SVIL: variants seen among roughly 807,000 people sequenced by gnomAD.
SVIL encodes supervillin, also known as archvillin.
SVIL carries 101 observed loss-of-function variants against 240.4 expected under a neutral mutation model. The observed-to-expected ratio is 0.42, with a 90% CI of 0.36 to 0.50. SVIL has a LOEUF of 0.50. SVIL is among the 20% of genes least tolerant of loss of function. SVIL has a pLI of 0.01. For missense variants in SVIL, 2,512 were observed against 2,818.7 expected (o/e 0.89, Z 2.46); for synonymous variants, 999 against 1,100.0 (o/e 0.91, Z 1.82).
chr10:29,667,085 CT>C (rs1201553031), intron 2 of SVIL, among the ~76,000 whole-genome samples: 1 of 152,008 alleles, frequency 6.6e-6, no homozygotes, highest in East Asian at 1.9e-4. Flanking sequence ...GGTGTTTCTT[CT>C]TTTTTTCATC....
At chr10:29,718,659 G>GAACT (rs998351900) in intron 1 of SVIL, among the ~76,000 whole-genome samples, 10 of 152,130 alleles carry the variant, frequency 6.6e-5, no homozygotes, top group Non-Finnish European at 1.5e-4. Flanking sequence ...AAATAGGAGA[G>GAACT]AACTACACAG....
chr10:29,637,561 A>T (rs1958352713), upstream of SVIL, among the ~76,000 whole-genome samples: 2 of 152,242 alleles, frequency 1.3e-5, no homozygotes, highest in African/African-American at 4.8e-5. Context: ...TACAGTAATC[A>T]AGACAACACA....
intron 1 of SVIL, among the ~76,000 whole-genome samples, chr10:29,580,421 AGGAT>A (rs1241055794): frequency 1.3e-5 from 2 of 152,180 alleles, no homozygotes; most frequent in Non-Finnish European, 2.9e-5. Flanking sequence ...AGAGGGAAAT[AGGAT>A]GGTGAGGTCA....
At chr10:29,589,756 T>C (rs1781984260) in intron 1 of SVIL, among the ~76,000 whole-genome samples, 1 of 152,200 alleles carries the variant, frequency 6.6e-6, no homozygotes, top group African/African-American at 2.4e-5. Context: ...GATGTTCTTA[T>C]ATGGCCAAAC....
chr10:29,486,198 C>T lies in SVIL; in HGVS notation c.4666G>A (p.Glu1556Lys). The T allele has an allele frequency of 6.2e-7, 1 of 1,614,174 alleles. No homozygotes were observed. Among genetic ancestry groups the T allele is most frequent in the Non-Finnish European group, 8.5e-7 (1 of 1,180,032 alleles). Residue 1556 changes from glutamate (E) to lysine (K), a missense_variant, in exon 26 of 38, where the codon GAA (glutamate) becomes AAA (lysine). Physicochemically the swap from Glu to Lys is moderately conservative, Grantham distance 56. This residue lies in a region of SVIL where 797 missense variants were observed against 925.3 expected (regional missense o/e 0.86). Transcript: ENST00000355867. ...AGDPKEDELY[E>K]AAIIETNCIY... ...CAGTTAGTTTCTATTATGGCTGCTTCATAGAGTTCATCTTCTTTTGGGTCT... is the reference window on the plus strand; with the variant it reads ...CAGTTAGTTTCTATTATGGCTGCTTTATAGAGTTCATCTTCTTTTGGGTCT...
At chr10:29,563,576 A>G (rs1954703025) in intron 2 of SVIL, among the ~76,000 whole-genome samples, 1 of 152,148 alleles carries the variant, frequency 6.6e-6, no homozygotes. Flanking sequence ...GCTTTAACTC[A>G]GACTGACCAC....
chr10:29,673,805 G>A (rs1164182921), intron 2 of SVIL, among the ~76,000 whole-genome samples: 1 of 152,158 alleles, frequency 6.6e-6, no homozygotes, highest in African/African-American at 2.4e-5. Flanking sequence ...AACCATATCA[G>A]CATTACAGCA....
At chr10:29,568,217 T>C (rs1346876607) in intron 2 of SVIL, among the ~76,000 whole-genome samples, 1 of 149,944 alleles carries the variant, frequency 6.7e-6, no homozygotes, top group Non-Finnish European at 1.5e-5. Flanking sequence ...TTGATGATAT[T>C]GTGTGTAAAA....
At chr10:29,653,909 T>TAGAGA (rs1958918957) in intron 3 of SVIL, among the ~76,000 whole-genome samples, 1 of 152,162 alleles carries the variant, frequency 6.6e-6, no homozygotes, top group African/African-American at 2.4e-5. Context: ...AATTCTATTC[T>TAGAGA]ATAGAATAGA....
At chr10:29,717,903 T>C (rs564085080) in intron 1 of SVIL, among the ~76,000 whole-genome samples, 1 of 152,180 alleles carries the variant, frequency 6.6e-6, no homozygotes, top group African/African-American at 2.4e-5. Context: ...AGCTATAACA[T>C]ACATATCAAA....
intron 1 of SVIL, among the ~76,000 whole-genome samples, chr10:29,584,330 C>A (rs1486693074): frequency 1.3e-5 from 2 of 152,204 alleles, no homozygotes; most frequent in Non-Finnish European, 2.9e-5. Context: ...GCATGGGGTT[C>A]AGGGTTCCAA....
chr10:29,484,343 T>C lies in SVIL; in HGVS notation c.4955+313A>G, dbSNP rs1203579499. On this transcript the variant is annotated intron_variant, in intron 27 of 37. Coordinates refer to ENST00000355867, the MANE Select transcript of SVIL (RefSeq NM_021738.3). This position sits in a 1 kb window ranked among gnomAD's most constrained non-coding sequence, Gnocchi z 4.7. ...CCTTTCAGATCCGCATGTAATTTGT[T>C]TAAACAATTGCTGTTCATCTGCCAC... Among the ~76,000 whole-genome samples, 4 of 152,202 alleles carry C rather than the reference T, an allele frequency of 2.6e-5. No individual in the cohort carries two copies. The highest frequency in any genetic ancestry group is 2.6e-4 in the Admixed American group (4 of 15,282).
intron 1 of SVIL, among the ~76,000 whole-genome samples, chr10:29,613,947 T>C (rs1421090413): frequency 2.0e-5 from 3 of 152,162 alleles, no homozygotes; most frequent in Non-Finnish European, 2.9e-5. Flanking sequence ...CCTTATGGAA[T>C]GTATGAGACC....
At chr10:29,542,115 A>C (rs1180965202) in intron 6 of SVIL, among the ~76,000 whole-genome samples, 1 of 152,202 alleles carries the variant, frequency 6.6e-6, no homozygotes, top group Non-Finnish European at 1.5e-5. Flanking sequence ...CAATGAAGGA[A>C]ACCAAACACA....
chr10:29,568,570 AC>A (rs776879535), intron 2 of SVIL, among the ~76,000 whole-genome samples: 14 of 152,298 alleles, frequency 9.2e-5, no homozygotes, highest in Non-Finnish European at 1.8e-4. Context: ...ACAACAATCT[AC>A]TAAAAAGCAC....
chr10:29,655,826 T>C (rs1366827676), intron 3 of SVIL, among the ~76,000 whole-genome samples: 1 of 152,006 alleles, frequency 6.6e-6, no homozygotes, highest in African/African-American at 2.4e-5. Flanking sequence ...CTTTTTCAGG[T>C]TGAAGAAGTT....
At position 29,495,460 on chromosome 10, in the gene SVIL, T is replaced by A. The variant is rs575397899; in HGVS notation, c.3665-279A>T. 7.0e-3 allele frequency among the ~76,000 whole-genome samples: 1,067 copies of A among 152,276 alleles called. 10 individuals are homozygous for A. The highest frequency in any genetic ancestry group is 0.043 in the South Asian group (207 of 4,812). Reference sequence around the variant, plus strand: ...GTGGGAAAACATGTCCATGACACGTTAACTTGGGCAAATGCAGCTGTGAGT... The same window carrying A: ...GTGGGAAAACATGTCCATGACACGTAAACTTGGGCAAATGCAGCTGTGAGT... On this transcript the variant is annotated intron_variant, in intron 18 of 37. Coordinates refer to ENST00000355867, the MANE Select transcript of SVIL (RefSeq NM_021738.3).
chr10:29,727,928 C>T (rs1009016446), intron 1 of SVIL, among the ~76,000 whole-genome samples: 1 of 152,158 alleles, frequency 6.6e-6, no homozygotes, highest in Non-Finnish European at 1.5e-5. Flanking sequence ...CCATCCTACT[C>T]TATTACCAAC....
intron 1 of SVIL, among the ~76,000 whole-genome samples, chr10:29,720,740 A>C (rs1564360489): frequency 6.6e-6 from 1 of 152,254 alleles, no homozygotes; most frequent in Admixed American, 6.5e-5. Context: ...AACAATACAA[A>C]GGCCAAGATG....
Sources: gnomAD v4.1 joint callset for allele counts (sites outside exome capture counted in the v4.1 genomes callset) on GRCh38, gnomAD v4.1.1 for gene constraint, gnomAD v4.1.1 regional missense constraint, Gnocchi (gnomAD v3.1) non-coding constraint, MANE v1.5 for transcripts, NCBI Gene and HGNC (gene_info 2026-07-23, HGNC 2026-07-21) for gene names.